Variants in GSG1L observed in about 807,000 individuals in gnomAD.
GSG1L encodes germ cell-specific gene 1-like protein.
A neutral mutation model predicts 42.1 loss-of-function variants in GSG1L; 24 were observed. The ratio of observed to expected loss-of-function variants is 0.57; its 90% CI spans 0.41 to 0.80. GSG1L has a LOEUF of 0.80. Ranked by LOEUF, GSG1L falls within the 30% of genes least tolerant of loss-of-function variation. The pLI, the probability that GSG1L is intolerant of heterozygous loss-of-function variation, is 0.00. For missense variants in GSG1L, 445 were observed against 472.2 expected (o/e 0.94, Z 0.53); for synonymous variants, 215 against 203.5 (o/e 1.06, Z -0.48).
At chr16:27,821,494 C>T (rs2083150311) in intron 5 of GSG1L, among the ~76,000 whole-genome samples, 1 of 152,032 alleles carries the variant, frequency 6.6e-6, no homozygotes, top group Non-Finnish European at 1.5e-5. Context: ...CCATGTGTAC[C>T]CAGTGATTAG....
intron 1 of GSG1L, among the ~76,000 whole-genome samples, chr16:27,975,406 T>A (rs539481279): frequency 3.9e-5 from 6 of 152,052 alleles, no homozygotes; most frequent in African/African-American, 1.4e-4. Flanking sequence ...CCACCCCTCC[T>A]CACCGCATCA....
intron 1 of GSG1L, among the ~76,000 whole-genome samples, chr16:27,987,958 A>C (rs1412033969): frequency 6.6e-6 from 1 of 151,656 alleles, no homozygotes; most frequent in Non-Finnish European, 1.5e-5. Context: ...AAAAAAAAAA[A>C]AAAAAAAAAC....
In GSG1L at chr16:27,803,513, A is replaced by C. The variant is rs554545913; in HGVS notation, c.898+3974T>G. 1.3e-3 allele frequency among the ~76,000 whole-genome samples: 205 copies of C among 152,190 alleles called. 2 individuals carry two copies. Among genetic ancestry groups the C allele is most frequent in the African/African-American group, 4.9e-3 (202 of 41,536 alleles). On this transcript the variant is annotated intron_variant, in intron 6 of 6. Transcript: ENST00000447459. ...CCTAGTTGGGTGTTCAATCATCAAA[A>C]TAAAGCACTTGCTGTTATATCCTCA...
intron 3 of GSG1L, among the ~76,000 whole-genome samples, chr16:27,871,339 C>G (rs2083817936): frequency 6.6e-6 from 1 of 152,126 alleles, no homozygotes; most frequent in Admixed American, 6.6e-5. Flanking sequence ...TGGGCACAGA[C>G]AAGTAAATAA....
intron 4 of GSG1L, among the ~76,000 whole-genome samples, chr16:27,832,045 C>T (rs1206317846): frequency 2.0e-5 from 3 of 152,178 alleles, no homozygotes; most frequent in African/African-American, 7.2e-5. Flanking sequence ...CTAAGAAGCC[C>T]CCTCTCCATC....
At chr16:27,878,356 G>A (rs2011804) in intron 3 of GSG1L, among the ~76,000 whole-genome samples, 36,052 of 152,088 alleles carry the variant, frequency 0.24, 4,403 homozygotes, top group Non-Finnish European at 0.26. Context: ...TTCACATGGC[G>A]GCAGGAGAGA....
intron 1 of GSG1L, among the ~76,000 whole-genome samples, chr16:27,994,950 A>G (rs906328289): frequency 6.6e-6 from 1 of 152,176 alleles, no homozygotes; most frequent in African/African-American, 2.4e-5. Flanking sequence ...TAGAGTTACA[A>G]ATATCCCAAA....
At chr16:27,841,249 ACTGT>A (rs1399644153) in intron 4 of GSG1L, among the ~76,000 whole-genome samples, 2 of 152,040 alleles carry the variant, frequency 1.3e-5, no homozygotes, top group Non-Finnish European at 2.9e-5. Context: ...CTGAACCTGA[ACTGT>A]CTGACTCCAG....
rs556411716 is a variant in GSG1L at position 28,025,012 on chromosome 16, G to A, written c.349+38064C>T. Among the ~76,000 whole-genome samples, 28 of 152,308 alleles carry A rather than the reference G, an allele frequency of 1.8e-4. No homozygotes were observed. In the South Asian group the frequency reaches 2.3e-3, roughly 12 times the overall value. ...CAGCTGTCTGATTTATTTCCCACCC[G>A]GGGGCTCAGGCCATGCTGACTGCTG... On this transcript the variant is annotated intron_variant, in intron 1 of 6. Transcript: ENST00000447459.
chr16:27,792,950 G>GTCAC (rs2082771994), intron 6 of GSG1L, among the ~76,000 whole-genome samples: 1 of 152,212 alleles, frequency 6.6e-6, no homozygotes, highest in Admixed American at 6.5e-5. Context: ...AGCTATGATA[G>GTCAC]AGCTGGATTG....
At chr16:27,882,366 A>C (rs956505895) in intron 3 of GSG1L, among the ~76,000 whole-genome samples, 1 of 152,122 alleles carries the variant, frequency 6.6e-6, no homozygotes, top group African/African-American at 2.4e-5. Flanking sequence ...ATGGACTGAT[A>C]CAATCCCCAA....
intron 6 of GSG1L, among the ~76,000 whole-genome samples, chr16:27,804,338 A>G (rs907070408): frequency 6.6e-5 from 10 of 152,046 alleles, no homozygotes; most frequent in Admixed American, 6.6e-5. Flanking sequence ...TCGGACACAC[A>G]GGTCCCTCTG....
chr16:27,979,749 G>GAAAGAAA lies in GSG1L; in HGVS notation c.350-16547_350-16546insTTTCTTT, dbSNP rs1343911551. On this transcript the variant is annotated intron_variant, in intron 1 of 6. Coordinates refer to ENST00000447459, the MANE Select transcript of GSG1L (RefSeq NM_001109763.2). The stretch of plus-strand genomic sequence containing the variant: ...AAGGAAAGAAAAAGAAAGAAAGAAA[G>GAAAGAAA]GAAAGAAAGAAAGAAAGAAGGAAAG... Among the ~76,000 whole-genome samples, 712 of 99,110 alleles carry GAAAGAAA rather than the reference G, an allele frequency of 7.2e-3. 29 individuals carry two copies. Among genetic ancestry groups the GAAAGAAA allele is most frequent in the Middle Eastern group, 0.026 (5 of 194 alleles). 65.0% of individuals were successfully genotyped at this position (99,110 alleles called of 152,430 possible). A position where few individuals can be genotyped will look rare whatever the true frequency, so the allele number is the denominator to read the frequency against.
chr16:27,809,920 G>C (rs1232854156), intron 5 of GSG1L, among the ~76,000 whole-genome samples: 1 of 152,208 alleles, frequency 6.6e-6, no homozygotes, highest in African/African-American at 2.4e-5. Flanking sequence ...GCACATCCAG[G>C]AAGCCTGAGC....
chr16:27,984,280 C>T (rs2085356500), intron 1 of GSG1L, among the ~76,000 whole-genome samples: 1 of 152,146 alleles, frequency 6.6e-6, no homozygotes. Context: ...GGCCTGCTCA[C>T]TGCAGAACAT....
At chr16:27,830,897 C>T (rs1317548637) in intron 4 of GSG1L, among the ~76,000 whole-genome samples, 3 of 152,252 alleles carry the variant, frequency 2.0e-5, no homozygotes, top group African/African-American at 7.2e-5. Flanking sequence ...GCTCAGTAGC[C>T]ATTCTTCCTT....
chr16:27,828,262 C>T (rs976031320), intron 5 of GSG1L, among the ~76,000 whole-genome samples: 5 of 152,152 alleles, frequency 3.3e-5, no homozygotes, highest in East Asian at 1.9e-4. Context: ...CCCATCCACC[C>T]GCTCACCTGT....
At chr16:28,006,798 G>T (rs372074339) in intron 1 of GSG1L, among the ~76,000 whole-genome samples, 1 of 152,154 alleles carries the variant, frequency 6.6e-6, no homozygotes, top group African/African-American at 2.4e-5. Flanking sequence ...CAAGCCCTCC[G>T]GTGGGAGACC....
rs559366682 is a variant in GSG1L, at chr16:28,059,134, G to A, written c.349+3942C>T. Among the ~76,000 whole-genome samples the A allele has an allele frequency of 6.6e-6, 1 of 152,140 alleles. No individual in the cohort carries two copies. Among genetic ancestry groups the A allele is most frequent in the African/African-American group, 2.4e-5 (1 of 41,430 alleles). On this transcript the variant is annotated intron_variant, in intron 1 of 6. Coordinates refer to ENST00000447459, the MANE Select transcript of GSG1L (RefSeq NM_001109763.2). This position sits in a 1 kb window ranked among gnomAD's most constrained non-coding sequence, Gnocchi z 4.4. ...GTCACCAAATCCTTGCATCTCCGGCGGGTGCTAGCTGCTCTGATCCCCACC... is the reference window on the plus strand; with the variant it reads ...GTCACCAAATCCTTGCATCTCCGGCAGGTGCTAGCTGCTCTGATCCCCACC...
Sources: allele counts gnomAD v4.1 joint callset (sites outside exome capture counted in the v4.1 genomes callset), GRCh38; gene constraint gnomAD v4.1.1; non-coding constraint Gnocchi (gnomAD v3.1); transcripts MANE v1.5; gene names NCBI Gene and HGNC (gene_info 2026-07-23, HGNC 2026-07-21).